The following USP15 variants were observed in gnomAD, a reference collection of about 807,000 sequenced individuals.
The protein encoded by USP15 is ubiquitin carboxyl-terminal hydrolase 15.
In USP15, 18 loss-of-function variants were observed where a neutral mutation model predicts 127.1. The observed-to-expected ratio is 0.14, with a 90% CI of 0.10 to 0.21. The LOEUF is 0.21. Among genes scored for constraint, USP15 ranks in the 10% least tolerant of loss-of-function variants. The probability of loss-of-function intolerance (pLI) is 1.00; values close to 1 mark genes in which losing one functional copy is unlikely to be tolerated. For missense variants in USP15, 805 were observed against 1,159.9 expected (o/e 0.69, Z 4.44); for synonymous variants, 364 against 393.7 (o/e 0.92, Z 0.89).
chr12:62,383,734 C>T, intron 9 of USP15, 106 bp from the exon 10 acceptor site: 1 of 1,255,984 alleles, frequency 8.0e-7, no homozygotes. Flanking sequence ...AGAAAGCAGG[C>T]AAATTCACAA....
At chr12:62,401,135 C>T in intron 20 of USP15, 52 bp from the exon 21 acceptor site, 1 of 1,309,390 alleles carries the variant, frequency 7.6e-7, no homozygotes. Context: ...TTTGAGGAGT[C>T]CCCAGAAAAC....
intron 5 of USP15, among the ~76,000 whole-genome samples, chr12:62,324,768 A>AT (rs1239630190): frequency 2.6e-5 from 4 of 151,928 alleles, no homozygotes; most frequent in Non-Finnish European, 1.5e-5. Context: ...GATTTCATGA[A>AT]TTTTTTTAAA....
At chr12:62,391,574 C>A in intron 16 of USP15, 145 bp downstream of exon 16, 1 of 1,045,834 alleles carries the variant, frequency 9.6e-7, no homozygotes, top group Non-Finnish European at 1.3e-6. Context: ...GACTTAATAT[C>A]TAAGTAGACT....
At chr12:62,401,320 T>C (rs374736735) in intron 21 of USP15, 45 bp downstream of exon 21, 1 of 1,462,248 alleles carries the variant, frequency 6.8e-7, no homozygotes. Flanking sequence ...ATTCACTGTC[T>C]TAAGGAGTGA....
chr12:62,314,954 A>G (rs781255942), intron 4 of USP15, 38 bp downstream of exon 4: 2 of 1,483,920 alleles, frequency 1.3e-6, no homozygotes, highest in Non-Finnish European at 1.8e-6. Context: ...ATCCATTGCT[A>G]TTAGATATTT....
intron 1 of USP15, among the ~76,000 whole-genome samples, chr12:62,265,746 T>C (rs1202797732): frequency 6.6e-6 from 1 of 152,138 alleles, no homozygotes; most frequent in Non-Finnish European, 1.5e-5. Context: ...GGGATCTTAC[T>C]GTGTTGCCTA....
chr12:62,285,132 A>G (rs1298810653), intron 1 of USP15, among the ~76,000 whole-genome samples: 1 of 152,168 alleles, frequency 6.6e-6, no homozygotes, highest in African/African-American at 2.4e-5. Context: ...AGATTTAGGG[A>G]CTACAAATGC....
intron 7 of USP15, among the ~76,000 whole-genome samples, chr12:62,349,654 T>A (rs1316977643): frequency 6.6e-6 from 1 of 152,058 alleles, no homozygotes; most frequent in Non-Finnish European, 1.5e-5. Context: ...AAAGTATTTT[T>A]AAAAAGTGTG....
chr12:62,393,250 A>G, intron 19 of USP15, 48 bp downstream of exon 19: 1 of 1,576,960 alleles, frequency 6.3e-7, no homozygotes, highest in Non-Finnish European at 8.6e-7. Flanking sequence ...CTTCTTTCAA[A>G]CTTATTTGAT....
chr12:62,355,710 T>G (rs1173061239), intron 8 of USP15, among the ~76,000 whole-genome samples: 2 of 151,594 alleles, frequency 1.3e-5, no homozygotes, highest in Non-Finnish European at 3.0e-5. Flanking sequence ...TATATCACTT[T>G]GCAAAAATAT....
intron 8 of USP15, among the ~76,000 whole-genome samples, chr12:62,380,720 G>A (rs1307202721): frequency 6.6e-6 from 1 of 151,908 alleles, no homozygotes; most frequent in African/African-American, 2.4e-5. Context: ...TTTGTATTGA[G>A]GTCAAATTAT....
intron 1 of USP15, among the ~76,000 whole-genome samples, chr12:62,266,895 C>T (rs2063204734): frequency 6.6e-6 from 1 of 152,052 alleles, no homozygotes; most frequent in Admixed American, 6.5e-5. Context: ...TCTTATTACA[C>T]TTCATTTTAT....
chr12:62,294,353 A>G (rs376342442), intron 2 of USP15, 47 bp downstream of exon 2: 1 of 1,581,900 alleles, frequency 6.3e-7, no homozygotes, highest in African/African-American at 1.4e-5. Flanking sequence ...GTTAAATTTC[A>G]TTATATAAAT....
Position 62,414,243 on chromosome 12 carries a change from G to A in USP15, c.*9868G>A, listed in dbSNP as rs1380788383. 2.0e-5 allele frequency: 3 copies of A among 152,228 alleles called. No individual in the cohort carries two copies. The highest frequency in any genetic ancestry group is 2.9e-5 in the Non-Finnish European group (2 of 68,048). The allele number at this position is 152,228 out of a possible 1,614,324, so 9.4% of individuals were successfully genotyped here. ...AATAACACCTATAGATGTGCTCAAT[G>A]TAGGCTTGCCACAAGCCTTGTTTGT... On this transcript the variant is annotated 3_prime_UTR_variant, in exon 22 of 22. Transcript: ENST00000280377.
At chr12:62,290,796 C>T (rs1237826121) in intron 1 of USP15, among the ~76,000 whole-genome samples, 1 of 152,122 alleles carries the variant, frequency 6.6e-6, no homozygotes, top group African/African-American at 2.4e-5. Context: ...TTTTGTAGAG[C>T]CAGTCTAGTG....
At chr12:62,391,975 T>G (rs2067338681) in intron 17 of USP15, 89 bp downstream of exon 17, 4 of 1,252,856 alleles carry the variant, frequency 3.2e-6, no homozygotes, top group Non-Finnish European at 4.4e-6. Flanking sequence ...TTACACTCTT[T>G]GCTTCCACCA....
chr12:62,291,972 T>C (rs879625063), intron 1 of USP15, among the ~76,000 whole-genome samples: 3 of 152,226 alleles, frequency 2.0e-5, no homozygotes, highest in Non-Finnish European at 4.4e-5. Flanking sequence ...TTTGCAGGTA[T>C]GAGTCAGCTT....
intron 8 of USP15, among the ~76,000 whole-genome samples, chr12:62,374,239 G>C (rs1305124227): frequency 6.6e-6 from 1 of 151,754 alleles, no homozygotes; most frequent in Non-Finnish European, 1.5e-5. Context: ...TTTAGAATGG[G>C]CTTTTATTTT....
intron 1 of USP15, among the ~76,000 whole-genome samples, chr12:62,280,383 C>T (rs2063613749): frequency 6.6e-6 from 1 of 152,158 alleles, no homozygotes; most frequent in Non-Finnish European, 1.5e-5. Flanking sequence ...GCTGCTATAA[C>T]AAAGTACCTG....
Sources: gnomAD v4.1 joint callset for allele counts (sites outside exome capture counted in the v4.1 genomes callset) on GRCh38, gnomAD v4.1.1 for gene constraint, MANE v1.5 for transcripts, NCBI Gene and HGNC (gene_info 2026-07-23, HGNC 2026-07-21) for gene names.